The following XPR1 variants were observed in gnomAD, a reference collection of about 807,000 sequenced individuals.
XPR1 encodes solute carrier family 53 member 1.
XPR1 carries 28 observed loss-of-function variants against 87.5 expected under a neutral mutation model. The observed-to-expected ratio is 0.32, with a 90% CI of 0.24 to 0.44. The LOEUF (loss-of-function observed/expected upper bound fraction) is 0.44. XPR1 is among the 20% of genes least tolerant of loss of function. XPR1 has a pLI of 1.00. For missense variants in XPR1, 559 were observed against 862.3 expected (o/e 0.65, Z 4.41); for synonymous variants, 300 against 306.1 (o/e 0.98, Z 0.21).
At chr1:180,813,136 T>C (rs548852011) in intron 7 of XPR1, among the ~76,000 whole-genome samples, 3 of 150,956 alleles carry the variant, frequency 2.0e-5, no homozygotes, top group African/African-American at 7.3e-5. Context: ...TGCCATTGCC[T>C]GCAAGAACTT....
intron 1 of XPR1, among the ~76,000 whole-genome samples, chr1:180,648,192 A>T (rs1166947861): frequency 1.3e-5 from 2 of 152,128 alleles, no homozygotes; most frequent in African/African-American, 4.8e-5. Context: ...GTTTCCTTTC[A>T]TTGCTGTGTG....
intron 2 of XPR1, among the ~76,000 whole-genome samples, chr1:180,783,689 A>T (rs1649029842): frequency 6.6e-6 from 1 of 152,060 alleles, no homozygotes; most frequent in African/African-American, 2.4e-5. Context: ...TAAATGCTTA[A>T]TGTTACATAA....
chr1:180,760,611 A>G (rs1647980577), intron 2 of XPR1, among the ~76,000 whole-genome samples: 2 of 152,220 alleles, frequency 1.3e-5, no homozygotes. Flanking sequence ...AATCAAATAA[A>G]AGAGGATACA....
At chr1:180,720,658 G>A (rs936028499) in intron 2 of XPR1, among the ~76,000 whole-genome samples, 3 of 152,126 alleles carry the variant, frequency 2.0e-5, no homozygotes, top group Admixed American at 1.3e-4. Context: ...GCTAATTCTT[G>A]GACCTCACCC....
chr1:180,696,206 GTGTA>G lies in XPR1; in HGVS notation c.121+13797_121+13800del, dbSNP rs1357875916. Among the ~76,000 whole-genome samples the G allele has an allele frequency of 8.4e-3, 854 of 101,954 alleles. 5 individuals are homozygous for G. Among genetic ancestry groups the G allele is most frequent in the African/African-American group, 0.014 (412 of 29,294 alleles). 66.9% of individuals were successfully genotyped at this position (101,954 alleles called of 152,430 possible). ...TGTGTGTGTGTGTGTGTGTGTGTGTGTGTATATATATATATATATATATATTATG... is the reference window on the plus strand; with the variant it reads ...TGTGTGTGTGTGTGTGTGTGTGTGTGTATATATATATATATATATATTATG... On this transcript the variant is annotated intron_variant, in intron 2 of 14. Transcript: ENST00000367590.
intron 12 of XPR1, 47 bp from the exon 13 acceptor site, chr1:180,873,756 T>C (rs1487413535): frequency 3.8e-6 from 6 of 1,599,438 alleles, no homozygotes; most frequent in Non-Finnish European, 5.1e-6. Flanking sequence ...TGCCTATTTA[T>C]GAGAAATGTG....
At chr1:180,679,856 C>A (rs1231877134) in intron 1 of XPR1, among the ~76,000 whole-genome samples, 3 of 151,834 alleles carry the variant, frequency 2.0e-5, no homozygotes, top group Admixed American at 2.0e-4. Flanking sequence ...AGTAAGAACT[C>A]AAAATCACAG....
intron 12 of XPR1, among the ~76,000 whole-genome samples, chr1:180,864,251 C>T (rs1289715206): frequency 3.3e-5 from 5 of 152,284 alleles, no homozygotes; most frequent in Admixed American, 2.0e-4. Flanking sequence ...GCTTTGTAAA[C>T]ACCTGTTCCT....
intron 2 of XPR1, among the ~76,000 whole-genome samples, chr1:180,768,791 A>C (rs1460009141): frequency 6.6e-6 from 1 of 152,192 alleles, no homozygotes; most frequent in Non-Finnish European, 1.5e-5. Flanking sequence ...AGATATCCTA[A>C]ATGTAGGTAG....
At chr1:180,694,783 A>G (rs926409941) in intron 2 of XPR1, among the ~76,000 whole-genome samples, 10 of 150,364 alleles carry the variant, frequency 6.7e-5, no homozygotes, top group Non-Finnish European at 8.9e-5. Context: ...GCACACACAC[A>G]CACACACACA....
At chr1:180,714,405 C>CGTCTGTCTGTCTGTCT (rs141207072) in intron 2 of XPR1, among the ~76,000 whole-genome samples, 1 of 120,564 alleles carries the variant, frequency 8.3e-6, no homozygotes, top group African/African-American at 3.2e-5. Flanking sequence ...CTCTCTCTGT[C>CGTCTGTCTGTCTGTCT]GTCTGTCTGT....
intron 7 of XPR1, among the ~76,000 whole-genome samples, chr1:180,820,484 C>T (rs1650585894): frequency 6.6e-6 from 1 of 152,210 alleles, no homozygotes; most frequent in South Asian, 2.1e-4. Context: ...AGTAATATTC[C>T]ATTTTGTGTA....
chr1:180,811,789 C>G (rs3002114), intron 7 of XPR1, among the ~76,000 whole-genome samples: 40,060 of 151,862 alleles, frequency 0.26, 5,764 homozygotes, highest in East Asian at 0.55. Context: ...TTATCAAAAA[C>G]CTTGGCTTTC....
chr1:180,686,572 T>A (rs1656785223), intron 2 of XPR1, among the ~76,000 whole-genome samples: 1 of 152,220 alleles, frequency 6.6e-6, no homozygotes, highest in Non-Finnish European at 1.5e-5. Flanking sequence ...ATCTGTCTGA[T>A]GTTGACAGTG....
At chr1:180,654,892 C>G (rs1655404373) in intron 1 of XPR1, among the ~76,000 whole-genome samples, 2 of 152,186 alleles carry the variant, frequency 1.3e-5, no homozygotes, top group South Asian at 4.2e-4. Context: ...CACAAGTGTA[C>G]AAATATCTAT....
At chr1:180,783,506 A>G (rs1004756372) in intron 2 of XPR1, among the ~76,000 whole-genome samples, 3 of 152,006 alleles carry the variant, frequency 2.0e-5, no homozygotes, top group Admixed American at 6.6e-5. Flanking sequence ...GGAGGTAACC[A>G]CAACAGATTG....
chr1:180,746,413 C>A, intron 2 of XPR1, among the ~76,000 whole-genome samples: 1 of 152,168 alleles, frequency 6.6e-6, no homozygotes, highest in East Asian at 1.9e-4. Flanking sequence ...AGAATAATGG[C>A]CTCCAGTTCC....
chr1:180,777,217 G>A (rs1483266495), intron 2 of XPR1, among the ~76,000 whole-genome samples: 1 of 152,066 alleles, frequency 6.6e-6, no homozygotes, highest in Non-Finnish European at 1.5e-5. Flanking sequence ...TCTGTCTCCA[G>A]TGCCCTCACC....
chr1:180,751,275 T>C (rs937413473), intron 2 of XPR1, among the ~76,000 whole-genome samples: 1 of 150,734 alleles, frequency 6.6e-6, no homozygotes, highest in Admixed American at 6.6e-5. Flanking sequence ...CTACAAGGCA[T>C]TTTATTTATG....
Sources: gnomAD v4.1 joint callset for allele counts (sites outside exome capture counted in the v4.1 genomes callset) on GRCh38, gnomAD v4.1.1 for gene constraint, MANE v1.5 for transcripts, NCBI Gene and HGNC (gene_info 2026-07-23, HGNC 2026-07-21) for gene names.